ATP1B3: variants seen among roughly 807,000 people sequenced by gnomAD.
The protein encoded by ATP1B3 is ATPase Na+/K+ transporting subunit beta 3, also known as sodium/potassium-transporting ATPase subunit beta-3.
Under a neutral mutation model 30.2 loss-of-function variants are expected in ATP1B3, and 10 were observed. The ratio of observed to expected loss-of-function variants is 0.33; its 90% CI spans 0.20 to 0.56. The LOEUF (loss-of-function observed/expected upper bound fraction) is 0.56, where lower values mean the gene tolerates loss of function less well. Ranked by LOEUF, ATP1B3 falls within the 20% of genes least tolerant of loss-of-function variation. The probability of loss-of-function intolerance (pLI) is 0.90; values close to 1 mark genes in which losing one functional copy is unlikely to be tolerated. For synonymous variants in ATP1B3, 113 were observed against 117.0 expected, an observed-to-expected ratio of 0.97 and a Z score of 0.22; for missense variants, 238 against 336.7, an observed-to-expected ratio of 0.71 and a Z score of 2.29.
chr3:141,913,380 G>C (rs1362156979), intron 3 of ATP1B3, among the ~76,000 whole-genome samples: 2 of 152,136 alleles, frequency 1.3e-5, no homozygotes, highest in Non-Finnish European at 2.9e-5. Flanking sequence ...TTCAGATAAT[G>C]CTTTAGCCAT....
chr3:141,885,064 G>T (rs769795428), intron 1 of ATP1B3, among the ~76,000 whole-genome samples: 1 of 151,966 alleles, frequency 6.6e-6, no homozygotes, highest in Admixed American at 6.6e-5. Flanking sequence ...TAAATAGCTC[G>T]TTTCCCTTCC....
At chr3:141,885,371 C>A (rs1933807499) in intron 1 of ATP1B3, among the ~76,000 whole-genome samples, 2 of 152,220 alleles carry the variant, frequency 1.3e-5, no homozygotes, top group African/African-American at 4.8e-5. Context: ...TACCAAATTT[C>A]ATTAACACTC....
At chr3:141,902,385 A>G (rs1227771774) in intron 1 of ATP1B3, among the ~76,000 whole-genome samples, 1 of 152,218 alleles carries the variant, frequency 6.6e-6, no homozygotes, top group East Asian at 1.9e-4. Context: ...TTTTGGGGTC[A>G]TGGGATCTTT....
At chr3:141,897,482 A>G (rs1164057415) in intron 1 of ATP1B3, among the ~76,000 whole-genome samples, 2 of 152,184 alleles carry the variant, frequency 1.3e-5, no homozygotes, top group Non-Finnish European at 2.9e-5. Context: ...GGGAGTTTTA[A>G]TAGAAAAGAC....
chr3:141,910,328 CGGT>C (rs1934337106), intron 3 of ATP1B3, among the ~76,000 whole-genome samples: 1 of 152,050 alleles, frequency 6.6e-6, no homozygotes, highest in African/African-American at 2.4e-5. Context: ...CTTTTTCTTA[CGGT>C]GTTTTTCTTC....
rs1933592776 is a variant in ATP1B3, at chr3:141,876,649, C to T, written c.-153C>T. The T allele has an allele frequency of 2.2e-6, 1 of 462,532 alleles. No individual in the cohort carries two copies. Among genetic ancestry groups the T allele is most frequent in the South Asian group, 2.4e-5 (1 of 41,380 alleles). 28.7% of individuals were successfully genotyped at this position (462,532 alleles called of 1,614,324 possible). On this transcript the variant is annotated 5_prime_UTR_variant, in exon 1 of 7. Transcript: ENST00000286371. ...GCCCGGCGCGGCGCGGCGCAGTCGG[C>T]TCGAGTACTCCCCGTAACGAGGAGG...
At chr3:141,915,891 T>C (rs1185836732) in intron 4 of ATP1B3, 79 bp from the exon 5 acceptor site, 1 of 1,145,586 alleles carries the variant, frequency 8.7e-7, no homozygotes, top group Non-Finnish European at 1.3e-6. Flanking sequence ...TCTTCACCCC[T>C]TGTTCCCAGC....
chr3:141,890,166 C>T (rs1378564575), intron 1 of ATP1B3, among the ~76,000 whole-genome samples: 2 of 143,764 alleles, frequency 1.4e-5, no homozygotes, highest in East Asian at 4.0e-4. Flanking sequence ...TCTCGGCTCA[C>T]TCTGCCTCCT....
At chr3:141,891,656 G>C in intron 1 of ATP1B3, among the ~76,000 whole-genome samples, 1 of 151,806 alleles carries the variant, frequency 6.6e-6, no homozygotes. Flanking sequence ...TACTTTCTTT[G>C]TATTTATTTT....
At chr3:141,910,097 G>C (rs779783250) in intron 3 of ATP1B3, among the ~76,000 whole-genome samples, 24 of 152,046 alleles carry the variant, frequency 1.6e-4, no homozygotes, top group Admixed American at 3.9e-4. Context: ...TCAGCCTCTT[G>C]AGTAGTTAGG....
At chr3:141,910,785 T>TCCC (rs1934345038) in intron 3 of ATP1B3, among the ~76,000 whole-genome samples, 9 of 104,036 alleles carry the variant, frequency 8.7e-5, no homozygotes, top group South Asian at 2.6e-4. Flanking sequence ...GCCCCCCCCT[T>TCCC]TTTTTTAATT....
At chr3:141,922,800 C>G (rs1339984396) in intron 6 of ATP1B3, among the ~76,000 whole-genome samples, 1 of 150,806 alleles carries the variant, frequency 6.6e-6, no homozygotes, top group Non-Finnish European at 1.5e-5. Flanking sequence ...CCCGTCTCTA[C>G]TAAAAATTAC....
At chr3:141,906,591 A>C (rs1934269741) in intron 2 of ATP1B3, among the ~76,000 whole-genome samples, 2 of 152,196 alleles carry the variant, frequency 1.3e-5, no homozygotes, top group South Asian at 4.1e-4. Flanking sequence ...ATGGGTGTCA[A>C]CTTCTGATAG....
Position 141,925,657 on chromosome 3 carries a change from A to G in ATP1B3, c.796A>G (p.Lys266Glu). The G allele has an allele frequency of 6.2e-7, 1 of 1,612,872 alleles. No individual in the cohort carries two copies. Among genetic ancestry groups the G allele is most frequent in the Non-Finnish European group, 8.5e-7 (1 of 1,179,852 alleles). Residue 266 changes from lysine to glutamate, a missense_variant, in exon 7 of 7, where the codon AAG (lysine) becomes GAG (glutamate). This residue lies in a region of ATP1B3 where 50 missense variants were observed against 62.3 expected (regional missense o/e 0.80). Transcript: ENST00000286371. ...CCTAAAAAGTCAGGATGATCGTGACAAGTTTTTGGGACGAGTTATGTTCAA... is the reference window on the plus strand; with the variant it reads ...CCTAAAAAGTCAGGATGATCGTGACGAGTTTTTGGGACGAGTTATGTTCAA... Reference protein sequence around the residue: ...ANLKSQDDRDKFLGRVMFKIT... With the variant: ...ANLKSQDDRDEFLGRVMFKIT...
At chr3:141,914,011 T>C (rs576337311) in intron 4 of ATP1B3, among the ~76,000 whole-genome samples, 175 bp downstream of exon 4, 1 of 150,688 alleles carries the variant, frequency 6.6e-6, no homozygotes, top group East Asian at 2.0e-4. Flanking sequence ...GAAGAAAGTT[T>C]ATATGGCAAA....
At chr3:141,903,494 T>C in intron 1 of ATP1B3, 126 bp from the exon 2 acceptor site, 1 of 1,369,246 alleles carries the variant, frequency 7.3e-7, no homozygotes, top group Non-Finnish European at 9.9e-7. Context: ...GATATTTGGC[T>C]ATGTGCATGG....
At chr3:141,877,861 T>G (rs1933637092) in intron 1 of ATP1B3, among the ~76,000 whole-genome samples, 1 of 149,482 alleles carries the variant, frequency 6.7e-6, no homozygotes, top group South Asian at 2.1e-4. Flanking sequence ...TATACTTAAG[T>G]AAACTAATTT....
chr3:141,917,113 A>T (rs1338937188), intron 5 of ATP1B3, among the ~76,000 whole-genome samples: 1 of 150,446 alleles, frequency 6.6e-6, no homozygotes, highest in Non-Finnish European at 1.5e-5. Flanking sequence ...TCGGCCTCTC[A>T]AAGTGCTGGG....
At chr3:141,906,813 T>C (rs1472083903) in intron 2 of ATP1B3, among the ~76,000 whole-genome samples, 1 of 152,250 alleles carries the variant, frequency 6.6e-6, no homozygotes, top group Non-Finnish European at 1.5e-5. Flanking sequence ...TTTTTTTCCT[T>C]GTATTAATGG....
Sources: gnomAD v4.1 joint callset for allele counts (sites outside exome capture counted in the v4.1 genomes callset) on GRCh38, gnomAD v4.1.1 for gene constraint, gnomAD v4.1.1 regional missense constraint, MANE v1.5 for transcripts, NCBI Gene and HGNC (gene_info 2026-07-23, HGNC 2026-07-21) for gene names.